The following KIF26B variants were observed in gnomAD, a reference collection of about 807,000 sequenced individuals.
KIF26B encodes kinesin family member 26B, also known as kinesin-like protein KIF26B.
A neutral mutation model predicts 151.2 loss-of-function variants in KIF26B; 63 were observed. The ratio of observed to expected loss-of-function variants is 0.42; its 90% confidence interval spans 0.34 to 0.51. The LOEUF is 0.51. Ranked by LOEUF, KIF26B falls within the 20% of genes least tolerant of loss-of-function variation. The probability of loss-of-function intolerance (pLI) is 0.07; values close to 1 mark genes in which losing one functional copy is unlikely to be tolerated. For missense variants in KIF26B, 2,813 were observed against 2,913.6 expected, an observed-to-expected ratio of 0.97 and a Z score of 0.79; for synonymous variants, 1,357 against 1,262.1, an observed-to-expected ratio of 1.08 and a Z score of -1.59.
At position 245,203,625 on chromosome 1, in the gene KIF26B, TCTTA is replaced by T. The variant is rs548146004; in HGVS notation, c.465+46946_465+46949del. Among the ~76,000 whole-genome samples the T allele has an allele frequency of 1.6e-4, 24 of 152,342 alleles. No homozygotes were observed. In the South Asian group the frequency reaches 4.6e-3, roughly 29 times the overall value. On this transcript the variant is annotated intron_variant, in intron 2 of 14. Transcript: ENST00000407071. ...AGCATTTGTCCACTTGTAAAGATTT[TCTTA>T]CTTGTCTTCCTTGTTGAATCAGGAA...
rs141083894 is a variant in KIF26B, at chr1:245,462,264, T to C, written c.1166+42519T>C. ...TTGACCTCATTCCTCAGAAATTCCA[T>C]TGAGAATGGAGGGTGTTATGTGAAA... On this transcript the variant is annotated intron_variant, in intron 4 of 14. Coordinates refer to ENST00000407071, the MANE Select transcript of KIF26B (RefSeq NM_018012.4). Among the ~76,000 whole-genome samples the C allele has an allele frequency of 8.9e-4, 136 of 152,302 alleles. No individual in the cohort carries two copies. The Middle Eastern group carries it at 0.01, about 11-fold the overall frequency.
At chr1:245,229,904 G>A (rs1425544909) in intron 2 of KIF26B, among the ~76,000 whole-genome samples, 1 of 152,178 alleles carries the variant, frequency 6.6e-6, no homozygotes, top group Non-Finnish European at 1.5e-5. Flanking sequence ...GGAGGCCGAG[G>A]TGGGCGGATC....
chr1:245,618,255 T>G (rs1487788521), intron 9 of KIF26B, among the ~76,000 whole-genome samples: 5 of 152,230 alleles, frequency 3.3e-5, no homozygotes. Context: ...TTTGGCTGTT[T>G]GTGAGCTAGT....
chr1:245,305,100 G>C (rs1671511526), intron 2 of KIF26B, among the ~76,000 whole-genome samples: 1 of 152,216 alleles, frequency 6.6e-6, no homozygotes, highest in Non-Finnish European at 1.5e-5. Context: ...ATGCTAGAGA[G>C]AGGACTGAAT....
chr1:245,554,750 C>T (rs1447455889), intron 5 of KIF26B, among the ~76,000 whole-genome samples: 2 of 152,188 alleles, frequency 1.3e-5, no homozygotes, highest in Admixed American at 6.5e-5. Flanking sequence ...GACGGTATAG[C>T]AGCCAGGGAA....
rs2044686969 is a variant in KIF26B, at chr1:245,695,868, G to A, written c.5825-2238G>A. ...CGGTGCCCTGGCACGGGTATTGGCA[G>A]GACTCTCCAGGCGTTTTTACCTTCT... On this transcript the variant is annotated intron_variant, in intron 12 of 14. Coordinates refer to ENST00000407071, the MANE Select transcript of KIF26B (RefSeq NM_018012.4). Among the ~76,000 whole-genome samples, 2 of 44,294 alleles carry A rather than the reference G, an allele frequency of 4.5e-5. 1 individual carries two copies. Among genetic ancestry groups the A allele is most frequent in the African/African-American group, 1.0e-4 (2 of 19,542 alleles). 29.1% of individuals were successfully genotyped at this position (44,294 alleles called of 152,430 possible).
chr1:245,581,270 T>G (rs1223030633), intron 5 of KIF26B, among the ~76,000 whole-genome samples: 1 of 152,248 alleles, frequency 6.6e-6, no homozygotes, highest in Non-Finnish European at 1.5e-5. Flanking sequence ...TGGATAAGTA[T>G]TCACCAGGCT....
At chr1:245,211,529 C>G (rs1048252320) in intron 2 of KIF26B, among the ~76,000 whole-genome samples, 3 of 152,116 alleles carry the variant, frequency 2.0e-5, no homozygotes, top group African/African-American at 7.2e-5. Context: ...TCTCAAGGAG[C>G]TGGGATTACA....
chr1:245,218,927 T>A lies in KIF26B; in HGVS notation c.465+62244T>A, dbSNP rs1308096089. On this transcript the variant is annotated intron_variant, in intron 2 of 14. Transcript: ENST00000407071. This position sits in a 1 kb window ranked among gnomAD's most constrained non-coding sequence, Gnocchi z 4.1. ...CCTTTCCCCGGTTCTTGTTGGCATTTCTGACTTTGCCATTTCAGTTGGCAC... is the reference window on the plus strand; with the variant it reads ...CCTTTCCCCGGTTCTTGTTGGCATTACTGACTTTGCCATTTCAGTTGGCAC... Among the ~76,000 whole-genome samples the A allele has an allele frequency of 6.6e-6, 1 of 152,076 alleles. No homozygotes were observed. Among genetic ancestry groups the A allele is most frequent in the Non-Finnish European group, 1.5e-5 (1 of 68,016 alleles).
intron 2 of KIF26B, among the ~76,000 whole-genome samples, chr1:245,184,050 G>GTTTTTTTTTGTTTTTTTTT (rs1668956799): frequency 5.0e-5 from 1 of 19,804 alleles, no homozygotes; most frequent in Non-Finnish European, 9.9e-5. Context: ...GGGAGTTGTT[G>GTTTTTTTTTGTTTTTTTTT]TTTTTTTTTT....
chr1:245,652,912 G>C (rs906667064), intron 10 of KIF26B, among the ~76,000 whole-genome samples: 5 of 152,160 alleles, frequency 3.3e-5, no homozygotes, highest in African/African-American at 1.2e-4. Flanking sequence ...CTCGGGGCTG[G>C]GTAGAAATTG....
At chr1:245,499,468 G>A (rs1352237954) in intron 4 of KIF26B, among the ~76,000 whole-genome samples, 2 of 152,182 alleles carry the variant, frequency 1.3e-5, no homozygotes, top group Non-Finnish European at 2.9e-5. Context: ...ATAGTCTATC[G>A]GAAGTGAGGT....
At chr1:245,283,137 C>T (rs141415816) in intron 2 of KIF26B, 516 of 164,836 alleles carry the variant, frequency 3.1e-3, no homozygotes, top group Admixed American at 6.9e-3. Context: ...TGGACCATCC[C>T]AGCCCAGAGG....
intron 2 of KIF26B, among the ~76,000 whole-genome samples, chr1:245,283,389 G>T (rs896257652): frequency 1.3e-5 from 2 of 152,042 alleles, no homozygotes; most frequent in South Asian, 2.1e-4. Flanking sequence ...TTAGAGTGTT[G>T]CCCCCTAAAC....
chr1:245,288,011 G>A (rs554657040), intron 2 of KIF26B, among the ~76,000 whole-genome samples: 33 of 151,828 alleles, frequency 2.2e-4, no homozygotes, highest in African/African-American at 7.7e-4. Flanking sequence ...GGAGACAGCT[G>A]GGAAATCCAC....
At chr1:245,172,382 G>C (rs1208374775) in intron 2 of KIF26B, among the ~76,000 whole-genome samples, 4 of 152,216 alleles carry the variant, frequency 2.6e-5, no homozygotes, top group African/African-American at 9.6e-5. Flanking sequence ...CTTCCTAGAA[G>C]GGGTGATGAT....
Position 245,685,467 on chromosome 1 carries a change from C to T in KIF26B, c.2484C>T (p.Thr828=). 1 of 1,613,738 alleles carries T rather than the reference C, an allele frequency of 6.2e-7. No individual in the cohort carries two copies. Among genetic ancestry groups the T allele is most frequent in the Non-Finnish European group, 8.5e-7 (1 of 1,179,860 alleles). ...SCEEGRMRRP[T]QLRPFHTRAT... ...AAGAAGGCCGCATGCGCAGGCCCAC[C>T]CAGCTGAGACCCTTCCACACCAGGG... The change falls in exon 12 of 15, where the codon ACC becomes ACT. Residue 828 remains threonine, a synonymous_variant. Transcript: ENST00000407071.
chr1:245,265,290 G>A (rs1274117433), intron 2 of KIF26B, among the ~76,000 whole-genome samples: 1 of 151,944 alleles, frequency 6.6e-6, no homozygotes, highest in East Asian at 1.9e-4. Context: ...ATTAACACTG[G>A]GAGAAACAAA....
At chr1:245,523,514 G>A (rs1558199049) in intron 4 of KIF26B, among the ~76,000 whole-genome samples, 1 of 152,146 alleles carries the variant, frequency 6.6e-6, no homozygotes, top group Non-Finnish European at 1.5e-5. Flanking sequence ...AGTTTATTTT[G>A]TACAGTTCTA....
Sources: gnomAD v4.1 joint callset for allele counts (sites outside exome capture counted in the v4.1 genomes callset) on GRCh38, gnomAD v4.1.1 for gene constraint, Gnocchi (gnomAD v3.1) non-coding constraint, MANE v1.5 for transcripts, NCBI Gene and HGNC (gene_info 2026-07-23, HGNC 2026-07-21) for gene names.